Variants in POLA1 observed in about 807,000 individuals in gnomAD.
POLA1 encodes DNA polymerase alpha 1, catalytic subunit, also known as DNA polymerase alpha catalytic subunit.
POLA1 carries 15 observed loss-of-function variants against 124.0 expected under a neutral mutation model. That is an observed-to-expected ratio of 0.12 (90% CI 0.08 to 0.19). The LOEUF (loss-of-function observed/expected upper bound fraction) is 0.19. Ranked by LOEUF, POLA1 falls within the 10% of genes least tolerant of loss-of-function variation. The pLI is 1.00. For missense variants in POLA1, 886 were observed against 1,103.4 expected (o/e 0.80, Z 2.79); for synonymous variants, 408 against 389.4 (o/e 1.05, Z -0.56).
intron 35 of POLA1, among the ~76,000 whole-genome samples, chrX:24,924,527 A>G (rs1316070732): frequency 8.9e-6 from 1 of 111,744 alleles, no homozygotes; most frequent in African/African-American, 3.3e-5. Context: ...CGCCCTCAGC[A>G]GCTCACATCC....
intron 36 of POLA1, among the ~76,000 whole-genome samples, chrX:24,994,392 G>A (rs756423805): frequency 5.3e-4 from 60 of 112,707 alleles, no homozygotes; most frequent in Non-Finnish European, 9.8e-4. Context: ...TAGACTTCCC[G>A]TGTTGCTGTT....
At chrX:24,863,957 ACTAT>A (rs1369935719) in intron 34 of POLA1, among the ~76,000 whole-genome samples, 1 of 86,916 alleles carries the variant, frequency 1.2e-5, no homozygotes, top group Admixed American at 1.2e-4. Context: ...TTTTTCTGGA[ACTAT>A]TTATTTATTT....
intron 34 of POLA1, among the ~76,000 whole-genome samples, chrX:24,849,971 C>T (rs2046534300): frequency 9.0e-6 from 1 of 111,167 alleles, no homozygotes; most frequent in East Asian, 2.8e-4. Flanking sequence ...CAGGGTCTCA[C>T]TATGTTGCCC....
At chrX:24,952,611 C>T (rs1033849851) in intron 36 of POLA1, among the ~76,000 whole-genome samples, 13 of 112,399 alleles carry the variant, frequency 1.2e-4, no homozygotes, top group African/African-American at 4.2e-4. Flanking sequence ...TATGACATGG[C>T]TCAGCTAAAG....
Position 24,739,536 on chromosome X carries a change from A to G in POLA1, c.2202A>G (p.Ile734Met), listed in dbSNP as rs1413842775. Residue 734 changes from isoleucine (I) to methionine (M), a missense_variant, in exon 20 of 37, where the codon ATA becomes ATG. Physicochemically the swap from Ile to Met is conservative, Grantham distance 10. Coordinates refer to ENST00000379068, the MANE Select transcript of POLA1 (RefSeq NM_001330360.2). ...TERVVIPMEN[I>M]QNMYSESSQL... ...GGGTTGTAATCCCAATGGAAAATAT[A>G]CAAAATATGTACAGGTATGATCCTA... is the stretch of plus-strand genomic sequence containing the variant. 4.3e-6 allele frequency: 5 copies of G among 1,162,091 alleles called. No individual in the cohort carries two copies. The highest frequency in any genetic ancestry group is 4.7e-6 in the Non-Finnish European group (4 of 853,831).
At position 24,821,507 on chromosome X, in the gene POLA1, A is replaced by T; in HGVS notation, c.3485A>T (p.His1162Leu). ...YPDKKSLPHV[H>L]VALWINSQGG... ...GATAAAAAAAGCCTACCTCATGTAC[A>T]TGTTGCCCTCTGGATAAATTCTCAA... The change falls in exon 31 of 37, where the codon CAT (histidine) becomes CTT (leucine). Residue 1162 changes from histidine to leucine, a missense_variant. Transcript: ENST00000379068. The T allele has an allele frequency of 4.2e-6, 5 of 1,199,955 alleles. No individual in the cohort carries two copies. Among genetic ancestry groups the T allele is most frequent in the Non-Finnish European group, 5.7e-6 (5 of 884,784 alleles).
chrX:24,842,733 G>T (rs1262295211), intron 33 of POLA1, among the ~76,000 whole-genome samples: 1 of 111,508 alleles, frequency 9.0e-6, no homozygotes, highest in Non-Finnish European at 1.9e-5. Flanking sequence ...GCTAACTGTG[G>T]AAGAGCCGAT....
chrX:24,710,667 T>TG (rs1929348896), intron 4 of POLA1, among the ~76,000 whole-genome samples: 1 of 100,167 alleles, frequency 1.0e-5, no homozygotes, highest in Non-Finnish European at 2.0e-5. Context: ...TGTTGTGGTT[T>TG]TTTTTTTTTT....
At chrX:24,744,956 A>T (rs1316708710) in intron 23 of POLA1, among the ~76,000 whole-genome samples, 23 of 86,844 alleles carry the variant, frequency 2.6e-4, no homozygotes, top group South Asian at 6.9e-4. Flanking sequence ...GACTCAAAAA[A>T]AAAAATAAAA....
intron 4 of POLA1, among the ~76,000 whole-genome samples, chrX:24,712,807 A>C (rs1424497091): frequency 1.8e-5 from 2 of 112,101 alleles, no homozygotes; most frequent in Non-Finnish European, 3.8e-5. Flanking sequence ...ATGGCTAGCC[A>C]ACACTACTTA....
At chrX:24,823,918 A>G (rs1490970957) in intron 31 of POLA1, among the ~76,000 whole-genome samples, 1 of 112,579 alleles carries the variant, frequency 8.9e-6, no homozygotes, top group Non-Finnish European at 1.9e-5. Flanking sequence ...ACCTATGTGA[A>G]TTATTTGCTC....
chrX:24,762,726 A>T (rs1429808902), intron 26 of POLA1, among the ~76,000 whole-genome samples: 4 of 110,158 alleles, frequency 3.6e-5, no homozygotes, highest in African/African-American at 1.3e-4. Context: ...CAAGAGGCAG[A>T]TGTTAATAGT....
At position 24,727,061 on chromosome X, in the gene POLA1, A is replaced by G; in HGVS notation, c.1521A>G (p.Val507=). 2 of 1,200,115 alleles carry G rather than the reference A, an allele frequency of 1.7e-6. No individual in the cohort carries two copies. The highest frequency in any genetic ancestry group is 1.1e-6 in the Non-Finnish European group (1 of 889,327). Residue 507 remains valine (V), a synonymous_variant, in exon 14 of 37, where the codon GTA becomes GTG. Coordinates refer to ENST00000379068, the MANE Select transcript of POLA1 (RefSeq NM_001330360.2). The part of the protein sequence containing the change: ...RKIKGPCWLE[V]KSPQLLNQPV... ...TCAAAGGACCTTGTTGGCTTGAAGT[A>G]AAAAGTCCACGTAAGGAAAAATACA... is the stretch of plus-strand genomic sequence containing the variant.
intron 34 of POLA1, among the ~76,000 whole-genome samples, chrX:24,877,914 T>C (rs1469218966): frequency 3.9e-5 from 1 of 25,689 alleles, no homozygotes; most frequent in Non-Finnish European, 6.1e-5. Context: ...AGTTTTTTTT[T>C]GTTTTTTTTT....
At chrX:24,838,444 C>T (rs1397502942) in intron 32 of POLA1, among the ~76,000 whole-genome samples, 2 of 112,075 alleles carry the variant, frequency 1.8e-5, no homozygotes, top group Non-Finnish European at 3.8e-5. Flanking sequence ...AAAGCCCAGG[C>T]AGGCTGCTTC....
At chrX:24,918,502 A>T (rs1341564960) in intron 35 of POLA1, among the ~76,000 whole-genome samples, 1 of 111,901 alleles carries the variant, frequency 8.9e-6, no homozygotes, top group African/African-American at 3.2e-5. Context: ...TGTTTCAGGC[A>T]CTGTTCTAAG....
At chrX:24,879,039 C>CT (rs1006278373) in intron 34 of POLA1, among the ~76,000 whole-genome samples, 2 of 111,023 alleles carry the variant, frequency 1.8e-5, no homozygotes, top group African/African-American at 3.3e-5. Flanking sequence ...TCCTTCCAGT[C>CT]TTTTTTTTGT....
At chrX:24,830,152 A>T (rs2046241192) in intron 32 of POLA1, among the ~76,000 whole-genome samples, 1 of 111,292 alleles carries the variant, frequency 9.0e-6, no homozygotes, top group Admixed American at 9.6e-5. Flanking sequence ...TATTTTTAAG[A>T]CTCTTTTGTG....
intron 35 of POLA1, among the ~76,000 whole-genome samples, chrX:24,902,203 AGAT>A (rs2047290669): frequency 8.9e-6 from 1 of 112,176 alleles, no homozygotes; most frequent in East Asian, 2.8e-4. Flanking sequence ...TAGTTAGAGG[AGAT>A]GATAAGAGAA....
Sources: allele counts gnomAD v4.1 joint callset (sites outside exome capture counted in the v4.1 genomes callset), GRCh38; gene constraint gnomAD v4.1.1; transcripts MANE v1.5; gene names NCBI Gene and HGNC (gene_info 2026-07-23, HGNC 2026-07-21).